DSG4: variants seen among roughly 807,000 people sequenced by gnomAD.
The protein encoded by DSG4 is desmoglein-4.
In DSG4, 87 loss-of-function variants were observed where a neutral mutation model predicts 93.1. That is an observed-to-expected ratio of 0.93 (90% CI 0.79 to 1.12). The LOEUF is 1.12. DSG4 is among the 50% of genes most tolerant of loss of function. The pLI is 0.00. For synonymous variants in DSG4, 432 were observed against 452.9 expected, an observed-to-expected ratio of 0.95 and a Z score of 0.59; for missense variants, 1,373 against 1,285.7, an observed-to-expected ratio of 1.07 and a Z score of -1.04.
rs777277624 is a variant in DSG4 at position 31,399,503 on chromosome 18, G to C, written c.1237G>C (p.Ala413Pro). ...LLNYVLGTYTAIDLDTGNPAT... is the reference protein window; with the variant it reads ...LLNYVLGTYTPIDLDTGNPAT... ...GAATTATGTGCTTGGCACATATACAGCCATAGATTTGGACACAGGAAACCC... is the reference window on the plus strand; with the variant it reads ...GAATTATGTGCTTGGCACATATACACCCATAGATTTGGACACAGGAAACCC... Residue 413 changes from alanine (A) to proline (P), a missense_variant, in exon 9 of 16, where the codon GCC becomes CCC. Ala to Pro is a conservative substitution (Grantham distance 27). Coordinates refer to ENST00000308128, the MANE Select transcript of DSG4 (RefSeq NM_177986.5). The C allele has an allele frequency of 1.1e-5, 18 of 1,613,930 alleles. No individual in the cohort carries two copies. Among genetic ancestry groups the C allele is most frequent in the Non-Finnish European group, 1.5e-5 (18 of 1,179,942 alleles).
At chr18:31,399,667 T>A in intron 9 of DSG4, 124 bp downstream of exon 9, 1 of 1,264,350 alleles carries the variant, frequency 7.9e-7, no homozygotes, top group South Asian at 1.3e-5. Flanking sequence ...TCCTTTGATT[T>A]AAAAGACTAT....
chr18:31,406,187 C>A lies in DSG4; in HGVS notation c.1747C>A (p.Gln583Lys), dbSNP rs774927480. The A allele has an allele frequency of 1.1e-5, 17 of 1,614,032 alleles. No homozygotes were observed. Among genetic ancestry groups the A allele is most frequent in the Non-Finnish European group, 1.4e-5 (16 of 1,180,052 alleles). ...NRACELAQMVQLYACDCDDNH... is the reference protein window; with the variant it reads ...NRACELAQMVKLYACDCDDNH... The stretch of plus-strand genomic sequence containing the variant: ...AGCATGTGAATTGGCACAAATGGTG[C>A]AGTTATATGCCTGTGATTGCGATGA... The change falls in exon 12 of 16, where the codon CAG becomes AAG. Residue 583 changes from glutamine to lysine, a missense_variant. Physicochemically the swap from Gln to Lys is moderately conservative, Grantham distance 53. Transcript: ENST00000308128.
Position 31,376,868 on chromosome 18 carries a change from A to C in DSG4, c.-44A>C. ...TTCGGAACTGAGAAGACGAGGGCTC[A>C]AATTGAATCTCACAGGATTTGCGTG... On this transcript the variant is annotated 5_prime_UTR_variant, in exon 1 of 16. Transcript: ENST00000308128. 6.2e-7 allele frequency: 1 copy of C among 1,611,826 alleles called. No homozygotes were observed. Among genetic ancestry groups the C allele is most frequent in the Non-Finnish European group, 8.5e-7 (1 of 1,178,170 alleles).
At chr18:31,386,243 A>G (rs1307641741) in intron 2 of DSG4, among the ~76,000 whole-genome samples, 1 of 152,170 alleles carries the variant, frequency 6.6e-6, no homozygotes, top group Non-Finnish European at 1.5e-5. Context: ...CTTTTAGGTG[A>G]GCACGACTCA....
chr18:31,412,405 T>C (rs2072504390), intron 15 of DSG4, among the ~76,000 whole-genome samples: 1 of 152,144 alleles, frequency 6.6e-6, no homozygotes, highest in African/African-American at 2.4e-5. Flanking sequence ...GGATGGTTAA[T>C]AGGTGCAAAA....
chr18:31,385,320 G>A, intron 2 of DSG4, 149 bp downstream of exon 2: 1 of 614,304 alleles, frequency 1.6e-6, no homozygotes, highest in Non-Finnish European at 2.7e-6. Flanking sequence ...AATAGCGATG[G>A]TAAAATCCAT....
Position 31,399,557 on chromosome 18 carries a change from T to A in DSG4, c.1277+14T>A. 2.5e-6 allele frequency: 4 copies of A among 1,613,740 alleles called. No homozygotes were observed. Among genetic ancestry groups the A allele is most frequent in the Non-Finnish European group, 3.4e-6 (4 of 1,179,850 alleles). On this transcript the variant is annotated intron_variant, in intron 9 of 15. Coordinates refer to ENST00000308128, the MANE Select transcript of DSG4 (RefSeq NM_177986.5). The stretch of plus-strand genomic sequence containing the variant: ...AACAGATGTCAGGTACTGCAACTAT[T>A]TTCTTCATGTTCTATGGTTCTATCC...
intron 14 of DSG4, 81 bp from the exon 15 acceptor site, chr18:31,411,150 C>G (rs765518391): frequency 3.1e-6 from 5 of 1,613,848 alleles, no homozygotes; most frequent in Non-Finnish European, 3.4e-6. Context: ...GGTGGCACCG[C>G]AGACGGCGGC....
chr18:31,377,335 T>C (rs572154437), intron 1 of DSG4, among the ~76,000 whole-genome samples: 5 of 152,304 alleles, frequency 3.3e-5, no homozygotes, highest in African/African-American at 1.2e-4. Context: ...TGAAGGGAAG[T>C]TAATCAAACC....
In DSG4 at chr18:31,391,093, A is replaced by C. The variant is rs760788420; in HGVS notation, c.700A>C (p.Asn234His). Residue 234 changes from asparagine (N) to histidine (H), a missense_variant, in exon 7 of 16, where the codon AAC (asparagine) becomes CAC (histidine). Physicochemically the swap from Asn to His is moderately conservative, Grantham distance 68 (BLOSUM62 1). Coordinates refer to ENST00000308128, the MANE Select transcript of DSG4 (RefSeq NM_177986.5). ...CTTGATTAAGCAACACAGTATGTAC[A>C]ACCTGGTTGTGAGAGGCTCAGATCG... ...FLDREQHSMY[N>H]LVVRGSDRDG... 2 of 1,613,746 alleles carry C rather than the reference A, an allele frequency of 1.2e-6. No individual in the cohort carries two copies. The highest frequency in any genetic ancestry group is 1.7e-6 in the Non-Finnish European group (2 of 1,179,754).
rs376375254 is a variant in DSG4 at position 31,409,817 on chromosome 18, A to G, written c.2137+9A>G. The stretch of plus-strand genomic sequence containing the variant: ...TCGGATGGATTCCTCTGGTCAGTAG[A>G]CACCAAAATCTGTTTTTCCTTTTAA... On this transcript the variant is annotated intron_variant, in intron 14 of 15. Coordinates refer to ENST00000308128, the MANE Select transcript of DSG4 (RefSeq NM_177986.5). 2.5e-6 allele frequency: 4 copies of G among 1,614,040 alleles called. No individual in the cohort carries two copies. The African/African-American group carries it at 4.0e-5, about 16-fold the overall frequency.
chr18:31,378,307 T>C (rs773743935), intron 1 of DSG4, among the ~76,000 whole-genome samples: 10 of 152,246 alleles, frequency 6.6e-5, no homozygotes, highest in African/African-American at 1.2e-4. Context: ...TGGTCTTCAA[T>C]TGAAATAGTA....
At chr18:31,388,619 A>G in intron 4 of DSG4, 97 bp downstream of exon 4, 1 of 1,515,808 alleles carries the variant, frequency 6.6e-7, no homozygotes, top group East Asian at 2.4e-5. Flanking sequence ...TTGATAAAAC[A>G]TGGCAGACTG....
intron 1 of DSG4, among the ~76,000 whole-genome samples, chr18:31,384,933 A>C (rs144667040): frequency 9.1e-4 from 138 of 152,290 alleles, no homozygotes; most frequent in African/African-American, 3.2e-3. Context: ...CTGTAGACTT[A>C]TGTGTTTGTC....
chr18:31,381,115 A>G (rs566971344), intron 1 of DSG4, among the ~76,000 whole-genome samples: 40 of 152,334 alleles, frequency 2.6e-4, no homozygotes, highest in Admixed American at 2.4e-3. Context: ...AAATGTTTCA[A>G]TGAATGAATG....
chr18:31,408,841 A>G, intron 12 of DSG4, among the ~76,000 whole-genome samples: 1 of 152,360 alleles, frequency 6.6e-6, no homozygotes, highest in Middle Eastern at 3.4e-3. Context: ...ATGGATTAAA[A>G]TACAGAATTG....
intron 11 of DSG4, among the ~76,000 whole-genome samples, chr18:31,405,483 GA>G (rs1404982863): frequency 6.6e-6 from 1 of 151,956 alleles, no homozygotes; most frequent in Non-Finnish European, 1.5e-5. Context: ...TGTTGCTCTG[GA>G]AAGATGCAGC....
rs1344136262 is a variant in DSG4, at chr18:31,409,759, A to G, written c.2088A>G (p.Ile696Met). 1.2e-6 allele frequency: 2 copies of G among 1,614,170 alleles called. No homozygotes were observed. Among genetic ancestry groups the G allele is most frequent in the South Asian group, 2.2e-5 (2 of 91,084 alleles). The change falls in exon 14 of 16, where the codon ATA becomes ATG. Residue 696 changes from isoleucine (I) to methionine (M), a missense_variant. By Grantham distance (10) the Ile-to-Met change is conservative (BLOSUM62 1). Transcript: ENST00000308128. ...AHPEDRDVSNICAPMTASNTQ... is the reference protein window; with the variant it reads ...AHPEDRDVSNMCAPMTASNTQ... ...TTTCTTTTCAGGATGTGTCAAATAT[A>G]TGTGCACCCATGACAGCCTCAAATA...
chr18:31,411,154 C>A, intron 14 of DSG4, 77 bp from the exon 15 acceptor site: 1 of 1,613,918 alleles, frequency 6.2e-7, no homozygotes, highest in Non-Finnish European at 8.5e-7. Flanking sequence ...GCACCGCAGA[C>A]GGCGGCGGCA....
Sources: allele counts gnomAD v4.1 joint callset (sites outside exome capture counted in the v4.1 genomes callset), GRCh38; gene constraint gnomAD v4.1.1; transcripts MANE v1.5; gene names NCBI Gene and HGNC (gene_info 2026-07-23, HGNC 2026-07-21).